Variants in HIP1R observed in about 807,000 individuals in gnomAD.
HIP1R encodes the protein huntingtin interacting protein 1 related, also known as huntingtin-interacting protein 1-related protein.
HIP1R carries 135 observed loss-of-function variants against 144.2 expected under a neutral mutation model. That is an observed-to-expected ratio of 0.94 (90% CI 0.81 to 1.08). HIP1R has a LOEUF of 1.08. Ranked by LOEUF, HIP1R falls within the 50% of genes least tolerant of loss-of-function variation. The probability of loss-of-function intolerance (pLI) is 0.00; values close to 1 mark genes in which losing one functional copy is unlikely to be tolerated. For missense variants in HIP1R, 1,462 were observed against 1,432.8 expected (o/e 1.02, Z -0.33); for synonymous variants, 698 against 612.8 (o/e 1.14, Z -2.05).
chr12:122,854,248 CAAA>C (rs2033490479), intron 8 of HIP1R, 65 bp downstream of exon 8: 1 of 1,282,246 alleles, frequency 7.8e-7, no homozygotes, highest in South Asian at 1.6e-5. Context: ...CATTCACTGT[CAAA>C]AAGGAAAATC....
intron 1 of HIP1R, among the ~76,000 whole-genome samples, chr12:122,839,031 A>G (rs1326158390): frequency 6.6e-6 from 1 of 152,218 alleles, no homozygotes; most frequent in Non-Finnish European, 1.5e-5. Flanking sequence ...TGGCAGCCAT[A>G]AGGAACTAAT....
At chr12:122,842,035 C>T (rs936209770) in intron 1 of HIP1R, among the ~76,000 whole-genome samples, 5 of 152,150 alleles carry the variant, frequency 3.3e-5, no homozygotes, top group East Asian at 1.9e-4. Context: ...CCCAGCTGTC[C>T]GCCTCGCTGC....
intron 1 of HIP1R, among the ~76,000 whole-genome samples, chr12:122,842,034 CCGCCT>C (rs906020880): frequency 1.3e-5 from 2 of 152,186 alleles, no homozygotes; most frequent in Admixed American, 6.5e-5. Context: ...ACCCAGCTGT[CCGCCT>C]CGCTGCTTTG....
intron 18 of HIP1R, chr12:122,857,588 T>G (rs1193435667): frequency 2.4e-6 from 1 of 408,606 alleles, no homozygotes; most frequent in Non-Finnish European, 4.6e-6. Flanking sequence ...CTTGGATAGA[T>G]AGCTGATGTG....
At position 122,855,137 on chromosome 12, in the gene HIP1R, C is replaced by G; in HGVS notation, c.852+9C>G. 6.2e-7 allele frequency: 1 copy of G among 1,613,290 alleles called. No homozygotes were observed. The highest frequency in any genetic ancestry group is 8.5e-7 in the Non-Finnish European group (1 of 1,179,882). On this transcript the variant is annotated intron_variant, in intron 10 of 31. Coordinates refer to ENST00000253083, the MANE Select transcript of HIP1R (RefSeq NM_003959.3). ...TCCCCCGGCTGCCCGAGGTACCACCCCCAAGAGGGCCCCGAGGCCCTTTGA... is the reference window on the plus strand; with the variant it reads ...TCCCCCGGCTGCCCGAGGTACCACCGCCAAGAGGGCCCCGAGGCCCTTTGA...
chr12:122,837,059 T>C (rs2032919023), intron 1 of HIP1R, among the ~76,000 whole-genome samples: 2 of 152,214 alleles, frequency 1.3e-5, no homozygotes, highest in Admixed American at 1.3e-4. Context: ...TTGTAGATCA[T>C]AGGGAGAAAA....
chr12:122,849,858 T>G lies in HIP1R; in HGVS notation c.358-17T>G. 1 of 1,603,590 alleles carries G rather than the reference T, an allele frequency of 6.2e-7. No individual in the cohort carries two copies. On this transcript the variant is annotated splice_polypyrimidine_tract_variant and intron_variant, in intron 4 of 31. Coordinates refer to ENST00000253083, the MANE Select transcript of HIP1R (RefSeq NM_003959.3). The stretch of plus-strand genomic sequence containing the variant: ...GTTCACGAGCCGTGGCCCCTCACCC[T>G]GTCTGTCTTCACACAGGGACATTTG...
rs748278918 is a variant in HIP1R, at chr12:122,855,390, C to T, written c.978C>T (p.Pro326=). The change falls in exon 11 of 32, where the codon CCC becomes CCT. Residue 326 remains proline (P), a synonymous_variant. Coordinates refer to ENST00000253083, the MANE Select transcript of HIP1R (RefSeq NM_003959.3). ...ENLIEISTGP[P]AGEPVVVADL... is the part of the protein sequence containing the mutation. ...TCATTGAGATCAGCACAGGGCCCCCCGCGGGGGAGCCAGTGGTGAGCCCCC... is the reference window on the plus strand; with the variant it reads ...TCATTGAGATCAGCACAGGGCCCCCTGCGGGGGAGCCAGTGGTGAGCCCCC... 1.8e-5 allele frequency: 28 copies of T among 1,571,920 alleles called. No homozygotes were observed. Among genetic ancestry groups the T allele is most frequent in the South Asian group, 9.2e-5 (8 of 86,664 alleles).
At position 122,859,536 on chromosome 12, in the gene HIP1R, G is replaced by A. The variant is rs2033700137; in HGVS notation, c.2406G>A (p.Glu802=). The A allele has an allele frequency of 1.9e-6, 3 of 1,608,586 alleles. No homozygotes were observed. Among genetic ancestry groups the A allele is most frequent in the Admixed American group, 1.7e-5 (1 of 59,974 alleles). The change falls in exon 23 of 32, where the codon GAG becomes GAA. Residue 802 remains glutamate, a splice_region_variant and synonymous_variant. Transcript: ENST00000253083. ...TTGAAGATGCTGTGCGGAGGATTGA[G>A]GTGAGCACGGGATCTGGGGACTCCC... ...AAIEDAVRRI[E]DMMNQARHAS...
chr12:122,851,423 C>T (rs1032685872), intron 7 of HIP1R, 126 bp downstream of exon 7: 11 of 701,754 alleles, frequency 1.6e-5, no homozygotes, highest in South Asian at 1.3e-4. Context: ...CCTGGCCAGC[C>T]GCAGTGGCTC....
chr12:122,855,569 G>C lies in HIP1R; in HGVS notation c.1012G>C (p.Asp338His), dbSNP rs888646719. ...GTGGCAGGTGGTGGCTGACCTCTTC[G>C]ATCAGACGTTTGGACCCCCCAATGG... Reference protein sequence around the residue: ...GEPVVVADLFDQTFGPPNGSV... With the variant: ...GEPVVVADLFHQTFGPPNGSV... Residue 338 changes from aspartate (D) to histidine (H), a missense_variant, in exon 12 of 32, where the codon GAT becomes CAT. This residue lies in a region of HIP1R where 1,112 missense variants were observed against 1,011.7 expected (regional missense o/e 1.10). Coordinates refer to ENST00000253083, the MANE Select transcript of HIP1R (RefSeq NM_003959.3). 2 of 1,549,440 alleles carry C rather than the reference G, an allele frequency of 1.3e-6. No individual in the cohort carries two copies. Among genetic ancestry groups the C allele is most frequent in the Non-Finnish European group, 1.7e-6 (2 of 1,147,058 alleles).
rs115619180 is a variant in HIP1R, at chr12:122,840,115, C to T, written c.93+4472C>T. Reference sequence around the variant, plus strand: ...ATGGTGATGCCCTCGTGGTGATGCCCGGCAGGCCGCTGACTTCCCGACCCC... The same window carrying T: ...ATGGTGATGCCCTCGTGGTGATGCCTGGCAGGCCGCTGACTTCCCGACCCC... On this transcript the variant is annotated intron_variant, in intron 1 of 31. Transcript: ENST00000253083. This position sits in a 1 kb window ranked among gnomAD's most constrained non-coding sequence, Gnocchi z 4.2. Among the ~76,000 whole-genome samples the T allele has an allele frequency of 0.02, 3,024 of 152,326 alleles. 102 individuals are homozygous for T. The highest frequency in any genetic ancestry group is 0.068 in the African/African-American group (2,821 of 41,550).
Position 122,840,617 on chromosome 12 carries a change from G to T in HIP1R, c.93+4974G>T, listed in dbSNP as rs1413461368. Among the ~76,000 whole-genome samples, 1 of 152,232 alleles carries T rather than the reference G, an allele frequency of 6.6e-6. No homozygotes were observed. Among genetic ancestry groups the T allele is most frequent in the Middle Eastern group, 3.2e-3 (1 of 316 alleles). On this transcript the variant is annotated intron_variant, in intron 1 of 31. Coordinates refer to ENST00000253083, the MANE Select transcript of HIP1R (RefSeq NM_003959.3). The surrounding 1 kb of genome is among the most constrained non-coding windows in gnomAD (Gnocchi z 4.2). ...TGTGTTCAGAAGAGCAGGCTGGGCT[G>T]AAAGAGAGAAACAAGCTCCCTGTTG...
In HIP1R at chr12:122,858,414, C is replaced by T; in HGVS notation, c.2029C>T (p.Gln677Ter). 6.2e-7 allele frequency: 1 copy of T among 1,609,518 alleles called. No individual in the cohort carries two copies. Among genetic ancestry groups the T allele is most frequent in the Non-Finnish European group, 8.5e-7 (1 of 1,177,560 alleles). The change falls in exon 20 of 32, where the codon CAG becomes TAG. Residue 677 changes from glutamine (Q) to a stop codon, truncating the protein, a stop_gained. Coordinates refer to ENST00000253083, the MANE Select transcript of HIP1R (RefSeq NM_003959.3). LOFTEE classifies it high-confidence loss of function. ...GAGCACCCTGGAGGAGGGCCACGCCCAGTACCTGACCTCCTTGGCAGGTGA... is the reference window on the plus strand; with the variant it reads ...GAGCACCCTGGAGGAGGGCCACGCCTAGTACCTGACCTCCTTGGCAGGTGA... The part of the protein sequence containing the change: ...AVSTLEEGHA[Q>*]YLTSLADASA...
intron 23 of HIP1R, 25 bp from the exon 24 acceptor site, chr12:122,859,747 C>T (rs1456849768): frequency 1.9e-6 from 3 of 1,609,946 alleles, no homozygotes; most frequent in South Asian, 1.1e-5. Flanking sequence ...TCCCAGCCAG[C>T]TCACGGCTCT....
At chr12:122,850,777 C>T (rs1198833637) in intron 5 of HIP1R, 58 bp from the exon 6 acceptor site, 14 of 1,333,814 alleles carry the variant, frequency 1.0e-5, no homozygotes, top group Middle Eastern at 2.5e-4. Flanking sequence ...GGTTCGGTGG[C>T]CGCCAGGTGT....
At position 122,854,071 on chromosome 12, in the gene HIP1R, C is replaced by G. The variant is rs539147044; in HGVS notation, c.606C>G (p.Ala202=). 1 of 1,613,682 alleles carries G rather than the reference C, an allele frequency of 6.2e-7. No individual in the cohort carries two copies. The change falls in exon 8 of 32, where the codon GCC becomes GCG. Residue 202 remains alanine (A), a synonymous_variant. Transcript: ENST00000253083. ...TCCGACAGCTCAACACGGCCATCGC[C>G]GTATCCCAGATGTCCTCAGGCCAGT... ...SVFRQLNTAI[A]VSQMSSGQCR... is the part of the protein sequence containing the mutation.
chr12:122,837,350 C>G (rs1256458737), intron 1 of HIP1R, among the ~76,000 whole-genome samples: 2 of 149,520 alleles, frequency 1.3e-5, no homozygotes, highest in African/African-American at 4.9e-5. Flanking sequence ...GACAGAGTCT[C>G]TCTCGTTGCC....
rs1566110928 is a variant in HIP1R, at chr12:122,856,007, AG to A, written c.1157del (p.Ser386ThrfsTer3). 1.9e-6 allele frequency: 3 copies of A among 1,594,560 alleles called. No homozygotes were observed. The Admixed American group carries it at 5.3e-5, about 28-fold the overall frequency. ...EAQRYIAQLK[S>X]QVNALEGELE... The stretch of plus-strand genomic sequence containing the variant: ...CCAGCGGTACATCGCGCAGCTGAAG[AG>A]CCAGGTGAATGCACTGGAGGGTGAG... On this transcript the variant is annotated frameshift_variant, in exon 14 of 32. Transcript: ENST00000253083. LOFTEE classifies it high-confidence loss of function.
Sources: allele counts gnomAD v4.1 joint callset (sites outside exome capture counted in the v4.1 genomes callset), GRCh38; gene constraint gnomAD v4.1.1; regional missense constraint gnomAD v4.1.1; non-coding constraint Gnocchi (gnomAD v3.1); transcripts MANE v1.5; gene names NCBI Gene and HGNC (gene_info 2026-07-23, HGNC 2026-07-21).